CNTNAP2: variants seen among roughly 807,000 people sequenced by gnomAD.
CNTNAP2 encodes contactin-associated protein-like 2.
CNTNAP2 carries 98 observed loss-of-function variants against 155.2 expected under a neutral mutation model. The observed-to-expected ratio is 0.63, with a 90% CI of 0.54 to 0.75. The LOEUF (loss-of-function observed/expected upper bound fraction) is 0.75. CNTNAP2 is among the 30% of genes least tolerant of loss of function. CNTNAP2 has a pLI of 0.00. For missense variants in CNTNAP2, 1,727 were observed against 1,688.1 expected (o/e 1.02, Z -0.40); for synonymous variants, 651 against 631.2 (o/e 1.03, Z -0.47).
intron 8 of CNTNAP2, among the ~76,000 whole-genome samples, chr7:147,179,216 A>G (rs1411160624): frequency 6.6e-6 from 1 of 152,246 alleles, no homozygotes; most frequent in African/African-American, 2.4e-5. Context: ...ACTTGGAATA[A>G]CAGCAAAAGG....
In CNTNAP2 at chr7:146,497,607, A is replaced by G. The variant is rs571975796; in HGVS notation, c.98-276664A>G. 3.9e-5 allele frequency among the ~76,000 whole-genome samples: 6 copies of G among 152,012 alleles called. No homozygotes were observed. The East Asian group carries it at 7.7e-4, about 20-fold the overall frequency. Reference sequence around the variant, plus strand: ...TTCATTCTATACTTTCTCTTCTCCAACAAAATTCTTACCTTTCTAGTGTTC... The same window carrying G: ...TTCATTCTATACTTTCTCTTCTCCAGCAAAATTCTTACCTTTCTAGTGTTC... On this transcript the variant is annotated intron_variant, in intron 1 of 23. Coordinates refer to ENST00000361727, the MANE Select transcript of CNTNAP2 (RefSeq NM_014141.6).
rs147727968 is a variant in CNTNAP2, at chr7:146,279,473, C to A, written c.97+162500C>A. On this transcript the variant is annotated intron_variant, in intron 1 of 23. Transcript: ENST00000361727. ...ACACACACACACACACTTCCACACACTAATCAGTTTCTGTGAACAGGTAAC... is the reference window on the plus strand; with the variant it reads ...ACACACACACACACACTTCCACACAATAATCAGTTTCTGTGAACAGGTAAC... 5.3e-4 allele frequency among the ~76,000 whole-genome samples: 80 copies of A among 151,334 alleles called. 1 individual carries two copies. Among genetic ancestry groups the A allele is most frequent in the African/African-American group, 1.9e-3 (77 of 41,180 alleles).
At chr7:147,997,271 C>T (rs1449647081) in intron 15 of CNTNAP2, among the ~76,000 whole-genome samples, 2 of 152,146 alleles carry the variant, frequency 1.3e-5, no homozygotes, top group Non-Finnish European at 2.9e-5. Flanking sequence ...AGAATTTAAA[C>T]AGCTGGGTGT....
chr7:147,677,025 C>T (rs1404379253), intron 13 of CNTNAP2, among the ~76,000 whole-genome samples: 1 of 151,722 alleles, frequency 6.6e-6, no homozygotes, highest in African/African-American at 2.4e-5. Flanking sequence ...TGGATATATA[C>T]TCAGTAGTGA....
chr7:148,000,398 T>G (rs749070683), intron 15 of CNTNAP2, among the ~76,000 whole-genome samples: 30 of 152,230 alleles, frequency 2.0e-4, no homozygotes, highest in Non-Finnish European at 4.0e-4. Flanking sequence ...AGATAACATC[T>G]GTTGCGTATC....
intron 1 of CNTNAP2, among the ~76,000 whole-genome samples, chr7:146,489,819 GTTTC>G (rs1175620964): frequency 6.9e-6 from 1 of 144,498 alleles, no homozygotes; most frequent in East Asian, 1.9e-4. Context: ...AAGTCGGGTG[GTTTC>G]TTTCTCAGTG....
chr7:148,186,627 G>A (rs1385749693), intron 18 of CNTNAP2, among the ~76,000 whole-genome samples: 1 of 152,158 alleles, frequency 6.6e-6, no homozygotes, highest in Non-Finnish European at 1.5e-5. Context: ...TCTCCATGAA[G>A]AAACAGTGGG....
At chr7:147,310,807 A>C (rs759685864) in intron 9 of CNTNAP2, among the ~76,000 whole-genome samples, 6 of 152,222 alleles carry the variant, frequency 3.9e-5, no homozygotes, top group Non-Finnish European at 8.8e-5. Flanking sequence ...AGATACAGGG[A>C]CCACTGCAAT....
chr7:146,986,591 C>T (rs771083806), intron 3 of CNTNAP2, among the ~76,000 whole-genome samples: 15 of 152,168 alleles, frequency 9.9e-5, no homozygotes, highest in Non-Finnish European at 2.1e-4. Context: ...CTGTTTTCCA[C>T]AGTGGTTGTA....
intron 3 of CNTNAP2, among the ~76,000 whole-genome samples, chr7:146,953,266 G>T (rs996733315): frequency 6.6e-6 from 1 of 151,932 alleles, no homozygotes; most frequent in African/African-American, 2.4e-5. Flanking sequence ...CTATTTTAAG[G>T]ATTAAAGTTA....
intron 1 of CNTNAP2, among the ~76,000 whole-genome samples, chr7:146,149,879 G>GAAAA (rs377385260): frequency 6.7e-5 from 4 of 59,544 alleles, no homozygotes; most frequent in Middle Eastern, 0.012. Context: ...TAGCCACAAA[G>GAAAA]AAAAAAAAAA....
At chr7:146,840,499 A>G (rs1298139119) in intron 3 of CNTNAP2, among the ~76,000 whole-genome samples, 4 of 152,200 alleles carry the variant, frequency 2.6e-5, no homozygotes, top group African/African-American at 4.8e-5. Flanking sequence ...AAATTATTTA[A>G]CAGTAAAATT....
At chr7:146,144,726 A>C (rs6960649) in intron 1 of CNTNAP2, among the ~76,000 whole-genome samples, 2,815 of 152,320 alleles carry the variant, frequency 0.018, 79 homozygotes, top group African/African-American at 0.063. Flanking sequence ...AAGTGTATTT[A>C]TCTCATTATT....
chr7:146,717,348 T>A (rs1351423326), intron 1 of CNTNAP2, among the ~76,000 whole-genome samples: 162 of 119,274 alleles, frequency 1.4e-3, no homozygotes, highest in Non-Finnish European at 2.3e-3. Flanking sequence ...ACTAAAAAAT[T>A]AAAAAAAAAA....
At chr7:147,795,062 G>A (rs78033299) in intron 13 of CNTNAP2, among the ~76,000 whole-genome samples, 6,720 of 151,220 alleles carry the variant, frequency 0.044, 190 homozygotes, top group Non-Finnish European at 0.058. Flanking sequence ...AACTATCTCT[G>A]TTATTTTCTA....
intron 15 of CNTNAP2, among the ~76,000 whole-genome samples, chr7:148,076,247 C>A (rs1803481872): frequency 6.6e-6 from 1 of 151,888 alleles, no homozygotes; most frequent in Non-Finnish European, 1.5e-5. Context: ...TTGGCAATGA[C>A]TGGAGATATT....
intron 1 of CNTNAP2, among the ~76,000 whole-genome samples, chr7:146,625,398 G>T (rs1312544992): frequency 6.6e-6 from 1 of 151,812 alleles, no homozygotes; most frequent in African/African-American, 2.4e-5. Flanking sequence ...GAAATGAATG[G>T]CTTAGAAAGG....
intron 4 of CNTNAP2, among the ~76,000 whole-genome samples, chr7:147,062,464 T>C (rs902077224): frequency 1.3e-5 from 2 of 152,008 alleles, no homozygotes; most frequent in African/African-American, 2.4e-5. Context: ...ATAAATGATA[T>C]GATATAATCA....
chr7:146,124,689 T>TATCA (rs1252074183), intron 1 of CNTNAP2, among the ~76,000 whole-genome samples: 2 of 152,356 alleles, frequency 1.3e-5, no homozygotes, highest in African/African-American at 4.8e-5. Flanking sequence ...AAAATATGAC[T>TATCA]ATCAGGTTTT....
Sources: gnomAD v4.1 joint callset for allele counts (sites outside exome capture counted in the v4.1 genomes callset) on GRCh38, gnomAD v4.1.1 for gene constraint, MANE v1.5 for transcripts, NCBI Gene and HGNC (gene_info 2026-07-23, HGNC 2026-07-21) for gene names.